Variants in ITPKB observed in about 807,000 individuals in gnomAD.
The protein encoded by ITPKB is IP3 3-kinase B.
In ITPKB, 13 loss-of-function variants were observed where a neutral mutation model predicts 69.4. That is an observed-to-expected ratio of 0.19 (90% CI 0.12 to 0.30). The LOEUF (loss-of-function observed/expected upper bound fraction) is 0.30, where lower values mean the gene tolerates loss of function less well. ITPKB is among the 10% of genes least tolerant of loss of function. The pLI, the probability that ITPKB is intolerant of heterozygous loss-of-function variation, is 1.00. For synonymous variants in ITPKB, 584 were observed against 513.7 expected, an observed-to-expected ratio of 1.14 and a Z score of -1.85; for missense variants, 1,240 against 1,250.5, an observed-to-expected ratio of 0.99 and a Z score of 0.13.
At chr1:226,689,567 A>ATTTG (rs1553255305) in intron 2 of ITPKB, among the ~76,000 whole-genome samples, 20 of 93,804 alleles carry the variant, frequency 2.1e-4, no homozygotes, top group African/African-American at 8.1e-4. Context: ...GGAAGGTTTT[A>ATTTG]TTTGTGTGTG....
In ITPKB at chr1:226,724,098, T is replaced by C. The variant is rs142746095; in HGVS notation, c.1932+11429A>G. ...ACTTGAGCTGCATTATCTCCTTTCA[T>C]CTTCACAGCACCCCCTGAGAGAGGC... On this transcript the variant is annotated intron_variant, in intron 2 of 7. Coordinates refer to ENST00000429204, the MANE Select transcript of ITPKB (RefSeq NM_002221.4). Among the ~76,000 whole-genome samples, 25 of 152,218 alleles carry C rather than the reference T, an allele frequency of 1.6e-4. No homozygotes were observed. In the East Asian group the frequency reaches 4.8e-3, roughly 29 times the overall value.
At chr1:226,645,773 C>T (rs1669049068) in intron 4 of ITPKB, among the ~76,000 whole-genome samples, 1 of 152,172 alleles carries the variant, frequency 6.6e-6, no homozygotes, top group South Asian at 2.1e-4. Context: ...TCCTCCCTGC[C>T]CTATCCCAGG....
At chr1:226,705,249 G>C (rs12406696) in intron 2 of ITPKB, among the ~76,000 whole-genome samples, 27,430 of 152,166 alleles carry the variant, frequency 0.18, 2,506 homozygotes, top group Middle Eastern at 0.32. Context: ...CTTGATGTCG[G>C]TCAGGCACAG....
At position 226,736,074 on chromosome 1, in the gene ITPKB, C is replaced by G; in HGVS notation, c.1385G>C (p.Gly462Ala). 3 of 1,612,568 alleles carry G rather than the reference C, an allele frequency of 1.9e-6. No individual in the cohort carries two copies. Among genetic ancestry groups the G allele is most frequent in the Non-Finnish European group, 2.5e-6 (3 of 1,179,598 alleles). The change falls in exon 2 of 8, where the codon GGG (glycine) becomes GCG (alanine). Residue 462 changes from glycine (G) to alanine (A), a missense_variant. By Grantham distance (60) the Gly-to-Ala change is moderately conservative. This residue lies in a region of ITPKB where 992 missense variants were observed against 853.8 expected (regional missense o/e 1.16). Transcript: ENST00000429204. ...LLGGSPSAQP[G>A]TGNVEAGIPS... is the part of the protein sequence containing the mutation. ...AATTCCCGCCTCCACATTCCCGGTC[C>G]CCGGCTGTGCTGAGGGGCTGCCCCC...
intron 2 of ITPKB, among the ~76,000 whole-genome samples, chr1:226,663,964 T>C (rs1057325584): frequency 6.6e-6 from 1 of 152,222 alleles, no homozygotes; most frequent in African/African-American, 2.4e-5. Flanking sequence ...AGGTCCTTCC[T>C]GTCTTCTCCC....
chr1:226,728,898 C>A (rs988316013), intron 2 of ITPKB, among the ~76,000 whole-genome samples: 3 of 152,224 alleles, frequency 2.0e-5, no homozygotes, highest in African/African-American at 7.2e-5. Flanking sequence ...AACAAACTTG[C>A]ATTCCCAGGG....
chr1:226,654,339 G>C (rs1039415465), intron 2 of ITPKB, among the ~76,000 whole-genome samples: 7 of 152,180 alleles, frequency 4.6e-5, no homozygotes, highest in Admixed American at 4.6e-4. Flanking sequence ...CCCTGCAACA[G>C]AGAGAAGCCT....
chr1:226,649,795 T>C (rs947134194), intron 2 of ITPKB, among the ~76,000 whole-genome samples: 1 of 149,608 alleles, frequency 6.7e-6, no homozygotes, highest in Non-Finnish European at 1.5e-5. Flanking sequence ...TGAAAATAAA[T>C]AAAATTAATA....
At chr1:226,649,532 A>G (rs1012038055) in intron 2 of ITPKB, among the ~76,000 whole-genome samples, 7 of 146,814 alleles carry the variant, frequency 4.8e-5, no homozygotes, top group East Asian at 2.0e-4. Flanking sequence ...TGATGTGTGC[A>G]TGTGTGTGCA....
intron 2 of ITPKB, among the ~76,000 whole-genome samples, chr1:226,716,536 G>A (rs1657101156): frequency 6.6e-6 from 1 of 152,176 alleles, no homozygotes; most frequent in Admixed American, 6.5e-5. Context: ...AGTCCCACAT[G>A]CATTAGCTAT....
intron 2 of ITPKB, among the ~76,000 whole-genome samples, chr1:226,698,477 T>C (rs965691782): frequency 3.9e-5 from 6 of 152,178 alleles, no homozygotes; most frequent in African/African-American, 1.4e-4. Flanking sequence ...ACGTTTCATT[T>C]TGCCTCTCCC....
At chr1:226,724,068 C>G (rs1657330879) in intron 2 of ITPKB, among the ~76,000 whole-genome samples, 1 of 152,088 alleles carries the variant, frequency 6.6e-6, no homozygotes, top group African/African-American at 2.4e-5. Flanking sequence ...TGTTCTGCAC[C>G]CGGTACTTGA....
chr1:226,663,967 C>T (rs1404801143), intron 2 of ITPKB, among the ~76,000 whole-genome samples: 1 of 152,216 alleles, frequency 6.6e-6, no homozygotes. Flanking sequence ...TCCTTCCTGT[C>T]TTCTCCCTCA....
At chr1:226,728,544 C>T (rs369070936) in intron 2 of ITPKB, among the ~76,000 whole-genome samples, 6 of 152,180 alleles carry the variant, frequency 3.9e-5, no homozygotes, top group African/African-American at 1.2e-4. Context: ...ACTTTGCAAA[C>T]GTGTCGTGGT....
intron 2 of ITPKB, chr1:226,676,429 T>C (rs1023818655): frequency 1.3e-5 from 2 of 152,184 alleles, no homozygotes; most frequent in Admixed American, 6.5e-5. Flanking sequence ...GCAAGATGGT[T>C]AAGGAAAAAC....
intron 2 of ITPKB, among the ~76,000 whole-genome samples, chr1:226,657,976 C>T (rs772183481): frequency 8.5e-5 from 13 of 152,208 alleles, no homozygotes; most frequent in African/African-American, 1.2e-4. Context: ...GTTCCCAGAA[C>T]GTCCTTACTG....
intron 4 of ITPKB, 59 bp downstream of exon 4, chr1:226,647,108 G>C: frequency 6.6e-7 from 1 of 1,509,838 alleles, no homozygotes; most frequent in Non-Finnish European, 9.2e-7. Flanking sequence ...GCCACGCTGT[G>C]CACCTGCCAT....
chr1:226,701,333 G>A (rs931192070), intron 2 of ITPKB, among the ~76,000 whole-genome samples: 14 of 152,122 alleles, frequency 9.2e-5, no homozygotes, highest in African/African-American at 3.4e-4. Flanking sequence ...GGCCGGGCGC[G>A]GTGGCTCACG....
chr1:226,731,458 A>G (rs1236921413), intron 2 of ITPKB, among the ~76,000 whole-genome samples: 1 of 152,212 alleles, frequency 6.6e-6, no homozygotes, highest in Non-Finnish European at 1.5e-5. Context: ...TTTTGGCCTC[A>G]GTGCCGGAAA....
Sources: gnomAD v4.1 joint callset for allele counts (sites outside exome capture counted in the v4.1 genomes callset) on GRCh38, gnomAD v4.1.1 for gene constraint, gnomAD v4.1.1 regional missense constraint, MANE v1.5 for transcripts, NCBI Gene and HGNC (gene_info 2026-07-23, HGNC 2026-07-21) for gene names.